ARPP21: variants seen among roughly 807,000 people sequenced by gnomAD.
ARPP21 encodes cAMP regulated phosphoprotein 21.
In ARPP21, 69 loss-of-function variants were observed where a neutral mutation model predicts 113.2. The ratio of observed to expected loss-of-function variants is 0.61; its 90% CI spans 0.50 to 0.74. The LOEUF is 0.74. Among genes scored for constraint, ARPP21 ranks in the 30% least tolerant of loss-of-function variants. The probability of loss-of-function intolerance (pLI) is 0.00; values close to 1 mark genes in which losing one functional copy is unlikely to be tolerated. For synonymous variants in ARPP21, 368 were observed against 375.5 expected (o/e 0.98, Z 0.23); for missense variants, 1,070 against 1,037.4 (o/e 1.03, Z -0.43).
Position 35,683,833 on chromosome 3 carries a change from T to G in ARPP21, c.261+18T>G, listed in dbSNP as rs201010760. 1 of 1,183,422 alleles carries G rather than the reference T, an allele frequency of 8.5e-7. No homozygotes were observed. The highest frequency in any genetic ancestry group is 2.3e-5 in the East Asian group (1 of 42,618). The allele number at this position is 1,183,422 out of a possible 1,614,324, so 73.3% of individuals were successfully genotyped here. A position where few individuals can be genotyped will look rare whatever the true frequency, so the allele number is the denominator to read the frequency against. ...AGGATCAGGTATATCCCCTTGCCAT[T>G]ATCATTAATTGCATGAATGGGATCC... On this transcript the variant is annotated intron_variant, in intron 5 of 20. Transcript: ENST00000684406.
chr3:35,777,432 C>T lies in ARPP21; in HGVS notation c.2138-14950C>T, dbSNP rs375098873. On this transcript the variant is annotated intron_variant, in intron 19 of 20. Transcript: ENST00000684406. Reference sequence around the variant, plus strand: ...CTCACAGAGTCAGTGGTTGGAAGAACTAGCATGGAGCTTGTGAATTTCCCA... The same window carrying T: ...CTCACAGAGTCAGTGGTTGGAAGAATTAGCATGGAGCTTGTGAATTTCCCA... Among the ~76,000 whole-genome samples the T allele has an allele frequency of 7.2e-5, 11 of 152,268 alleles. No individual in the cohort carries two copies. The East Asian group carries it at 1.4e-3, about 19-fold the overall frequency.
chr3:35,708,803 A>G (rs2090118934), intron 10 of ARPP21, among the ~76,000 whole-genome samples, 166 bp from the exon 11 acceptor site: 1 of 152,230 alleles, frequency 6.6e-6, no homozygotes, highest in Non-Finnish European at 1.5e-5. Flanking sequence ...ATGCACACAC[A>G]TGGTACATGC....
At chr3:35,655,614 T>G (rs1704499266) in intron 1 of ARPP21, among the ~76,000 whole-genome samples, 1 of 152,078 alleles carries the variant, frequency 6.6e-6, no homozygotes, top group Admixed American at 6.6e-5. Context: ...CTGTACTGTA[T>G]GTCTTTTAAA....
At chr3:35,732,431 TC>T (rs1326569338) in intron 15 of ARPP21, among the ~76,000 whole-genome samples, 3 of 152,220 alleles carry the variant, frequency 2.0e-5, no homozygotes, top group Non-Finnish European at 4.4e-5. Flanking sequence ...TCTTTGCTTT[TC>T]AGGCATCTGG....
At chr3:35,782,523 AC>A (rs1446197145) in intron 19 of ARPP21, among the ~76,000 whole-genome samples, 3 of 151,932 alleles carry the variant, frequency 2.0e-5, no homozygotes, top group African/African-American at 7.3e-5. Flanking sequence ...AAGAGGAAAA[AC>A]CCCAGGACAC....
intron 19 of ARPP21, among the ~76,000 whole-genome samples, chr3:35,769,517 G>A (rs554059314): frequency 3.9e-5 from 6 of 152,204 alleles, no homozygotes; most frequent in Admixed American, 1.3e-4. Flanking sequence ...ACACAGCCCC[G>A]CTTTGCTTTA....
intron 15 of ARPP21, among the ~76,000 whole-genome samples, chr3:35,736,626 A>G (rs2094368290): frequency 1.3e-5 from 2 of 152,326 alleles, no homozygotes; most frequent in East Asian, 1.9e-4. Flanking sequence ...ATCCTTGCTT[A>G]TGTCTATTTC....
In ARPP21 at chr3:35,668,014, G is replaced by GAAGAAGAAGAAGAAGAAGAAGAAA. The variant is rs1559550166; in HGVS notation, c.-212-11755_-212-11754insAAGAAAAAGAAGAAGAAGAAGAAG. Among the ~76,000 whole-genome samples the GAAGAAGAAGAAGAAGAAGAAGAAA allele has an allele frequency of 8.3e-4, 125 of 149,836 alleles. 1 individual carries two copies. Among genetic ancestry groups the GAAGAAGAAGAAGAAGAAGAAGAAA allele is most frequent in the African/African-American group, 2.9e-3 (118 of 40,056 alleles). ...AGAAGAAGAAGAAGAAGAAGAAGAA[G>GAAGAAGAAGAAGAAGAAGAAGAAA]AAGAAGAAGAAGAAGAAGGAGAAGA... is the stretch of plus-strand genomic sequence containing the variant. On this transcript the variant is annotated intron_variant, in intron 1 of 20. Coordinates refer to ENST00000684406, the MANE Select transcript of ARPP21 (RefSeq NM_001385562.1).
chr3:35,775,302 T>C (rs1393024554), intron 19 of ARPP21, among the ~76,000 whole-genome samples: 2 of 152,166 alleles, frequency 1.3e-5, no homozygotes, highest in Non-Finnish European at 2.9e-5. Context: ...GAGAAACAAA[T>C]GCAATTTATC....
At chr3:35,708,513 C>G (rs1413328213) in intron 10 of ARPP21, among the ~76,000 whole-genome samples, 1 of 152,202 alleles carries the variant, frequency 6.6e-6, no homozygotes, top group Non-Finnish European at 1.5e-5. Flanking sequence ...TGCTCACTTG[C>G]TTTTTCTCCA....
At chr3:35,668,051 G>A (rs1287799627) in intron 1 of ARPP21, among the ~76,000 whole-genome samples, 2 of 150,254 alleles carry the variant, frequency 1.3e-5, no homozygotes. Flanking sequence ...GAAGAAAGAA[G>A]AAAGTCATAA....
Position 35,676,995 on chromosome 3 carries a change from G to A in ARPP21, c.-212-2792G>A, listed in dbSNP as rs114096147. On this transcript the variant is annotated intron_variant, in intron 1 of 20. Transcript: ENST00000684406. ...ACCATGCCCAGCTTAAAAAGAAGAA[G>A]CAGTGCATATAAGCAAAACATTTCA... 7.1e-3 allele frequency among the ~76,000 whole-genome samples: 1,082 copies of A among 151,924 alleles called. 10 individuals carry two copies. Among genetic ancestry groups the A allele is most frequent in the South Asian group, 0.034 (164 of 4,820 alleles).
intron 1 of ARPP21, among the ~76,000 whole-genome samples, chr3:35,673,042 G>A (rs2076723151): frequency 6.6e-6 from 1 of 152,006 alleles, no homozygotes; most frequent in Non-Finnish European, 1.5e-5. Context: ...TACCACTGTA[G>A]TACTCAATAA....
chr3:35,656,178 G>A (rs1704796208), intron 1 of ARPP21, among the ~76,000 whole-genome samples: 1 of 152,012 alleles, frequency 6.6e-6, no homozygotes, highest in African/African-American at 2.4e-5. Flanking sequence ...TGTTTTGAAT[G>A]ACTATTGAAT....
At chr3:35,668,814 C>T (rs1182641726) in intron 1 of ARPP21, among the ~76,000 whole-genome samples, 1 of 152,078 alleles carries the variant, frequency 6.6e-6, no homozygotes, top group Non-Finnish European at 1.5e-5. Flanking sequence ...GCAACAGGAT[C>T]TCATTTTGTT....
intron 19 of ARPP21, among the ~76,000 whole-genome samples, chr3:35,782,835 CTCTCTGCTCCTT>C (rs1292611835): frequency 6.6e-6 from 1 of 152,172 alleles, no homozygotes; most frequent in African/African-American, 2.4e-5. Context: ...CTCCCTCTGG[CTCTCTGCTCCTT>C]TCTCTGCCCA....
At chr3:35,651,948 T>C (rs1219719161) in intron 1 of ARPP21, 2 of 152,080 alleles carry the variant, frequency 1.3e-5, no homozygotes, top group South Asian at 4.1e-4. Flanking sequence ...ACATCAATGG[T>C]TCTGTGAGGA....
chr3:35,721,988 AC>A (rs2093122624), intron 14 of ARPP21, among the ~76,000 whole-genome samples, 154 bp downstream of exon 14: 1 of 152,178 alleles, frequency 6.6e-6, no homozygotes. Context: ...TAAATAGGTT[AC>A]TGACTCTTTC....
intron 1 of ARPP21, among the ~76,000 whole-genome samples, chr3:35,664,667 T>A (rs1048309224): frequency 6.6e-6 from 1 of 152,158 alleles, no homozygotes. Context: ...GTTGTTTGGC[T>A]CCGGAGCAGG....
Sources: gnomAD v4.1 joint callset for allele counts (sites outside exome capture counted in the v4.1 genomes callset) on GRCh38, gnomAD v4.1.1 for gene constraint, MANE v1.5 for transcripts, NCBI Gene and HGNC (gene_info 2026-07-23, HGNC 2026-07-21) for gene names.